The following WWOX variants were observed in gnomAD, a reference collection of about 807,000 sequenced individuals.
The protein encoded by WWOX is WW domain-containing oxidoreductase.
WWOX carries 69 observed loss-of-function variants against 46.2 expected under a neutral mutation model. That is an observed-to-expected ratio of 1.49 (90% confidence interval 1.23 to 1.82). The LOEUF is 1.82. Among genes scored for constraint, WWOX ranks in the 40% most tolerant of loss-of-function variants. The probability of loss-of-function intolerance (pLI) is 0.00; values close to 1 mark genes in which losing one functional copy is unlikely to be tolerated. For synonymous variants in WWOX, 359 were observed against 202.6 expected, an observed-to-expected ratio of 1.77 and a Z score of -6.56; for missense variants, 919 against 542.6, an observed-to-expected ratio of 1.69 and a Z score of -6.89.
intron 8 of WWOX, among the ~76,000 whole-genome samples, chr16:78,733,280 T>C (rs1324437576): frequency 6.6e-6 from 1 of 151,618 alleles, no homozygotes; most frequent in East Asian, 2.0e-4. Context: ...CATAGGGAGA[T>C]CACTGTTTCT....
intron 8 of WWOX, among the ~76,000 whole-genome samples, chr16:79,000,914 T>C (rs1377858290): frequency 6.6e-6 from 1 of 152,194 alleles, no homozygotes; most frequent in Non-Finnish European, 1.5e-5. Context: ...ATTTAATTAA[T>C]ACTCATCTGC....
intron 8 of WWOX, among the ~76,000 whole-genome samples, chr16:78,463,468 C>T (rs1240997569): frequency 6.6e-6 from 1 of 152,134 alleles, no homozygotes; most frequent in Non-Finnish European, 1.5e-5. Flanking sequence ...CAGCAGCTAT[C>T]CAGCATTGTC....
chr16:78,788,044 G>A (rs561571183), intron 8 of WWOX, among the ~76,000 whole-genome samples: 2 of 152,248 alleles, frequency 1.3e-5, no homozygotes, highest in South Asian at 2.1e-4. Context: ...TTGGATACTA[G>A]ACCCTTATCG....
chr16:78,339,380 AAC>A lies in WWOX; in HGVS notation c.517-47478_517-47477del, dbSNP rs1282128925. Among the ~76,000 whole-genome samples the A allele has an allele frequency of 8.6e-4, 69 of 79,944 alleles. 7 individuals are homozygous for A. Among genetic ancestry groups the A allele is most frequent in the African/African-American group, 1.6e-3 (27 of 16,700 alleles). The allele number at this position is 79,944 out of a possible 152,430, so 52.4% of individuals were successfully genotyped here. A position where few individuals can be genotyped will look rare whatever the true frequency, so the allele number is the denominator to read the frequency against. The stretch of plus-strand genomic sequence containing the variant: ...TCCTTTTATTAGAAAAAAAAAAAAA[AAC>A]AACTCCCCTGGAGCCTTTGTACCTT... On this transcript the variant is annotated intron_variant, in intron 5 of 8. Coordinates refer to ENST00000566780, the MANE Select transcript of WWOX (RefSeq NM_016373.4).
intron 8 of WWOX, among the ~76,000 whole-genome samples, chr16:78,873,887 C>G (rs546442775): frequency 6.6e-6 from 1 of 152,080 alleles, no homozygotes; most frequent in Non-Finnish European, 1.5e-5. Context: ...GAGGGGCAAT[C>G]ACAGGTCAGG....
chr16:78,735,023 T>A (rs1167480114), intron 8 of WWOX, among the ~76,000 whole-genome samples: 1 of 151,502 alleles, frequency 6.6e-6, no homozygotes, highest in African/African-American at 2.4e-5. Flanking sequence ...CCCACCATCA[T>A]GCCCAGCTAA....
rs543409375 is a variant in WWOX at position 78,113,491 on chromosome 16, GAT to G, written c.231-1484_231-1483del. On this transcript the variant is annotated intron_variant, in intron 3 of 8. Coordinates refer to ENST00000566780, the MANE Select transcript of WWOX (RefSeq NM_016373.4). ...ATTTACAGAAACAGGCAGTGGGCCA[GAT>G]TTGGCCAGCTCCTGGTCTAATCTAG... Among the ~76,000 whole-genome samples, 581 of 152,340 alleles carry G rather than the reference GAT, an allele frequency of 3.8e-3. 5 individuals are homozygous for G. The highest frequency in any genetic ancestry group is 0.014 in the African/African-American group (568 of 41,576).
chr16:78,582,571 T>C (rs115125302), intron 8 of WWOX, among the ~76,000 whole-genome samples: 1 of 152,198 alleles, frequency 6.6e-6, no homozygotes, highest in Non-Finnish European at 1.5e-5. Context: ...TGTTTCTAAT[T>C]ATATGTTGAT....
intron 6 of WWOX, among the ~76,000 whole-genome samples, chr16:78,413,542 G>T (rs761679500): frequency 3.3e-5 from 5 of 152,134 alleles, no homozygotes; most frequent in Non-Finnish European, 7.4e-5. Flanking sequence ...AAAGTACGTT[G>T]ATCAGTTAGG....
In WWOX at chr16:78,649,528, C is replaced by T. The variant is rs116056725; in HGVS notation, c.1056+216776C>T. Among the ~76,000 whole-genome samples, 1,010 of 152,280 alleles carry T rather than the reference C, an allele frequency of 6.6e-3. 4 individuals carry two copies. The highest frequency in any genetic ancestry group is 0.018 in the African/African-American group (748 of 41,552). On this transcript the variant is annotated intron_variant, in intron 8 of 8. Transcript: ENST00000566780. ...CTGGCCTCAAGCGATCCTCCTGCCT[C>T]GGCCTCCCAAAGTGCTGGGATTACA...
chr16:78,151,410 C>A (rs1007379478), intron 4 of WWOX, among the ~76,000 whole-genome samples: 3 of 152,074 alleles, frequency 2.0e-5, no homozygotes, highest in African/African-American at 7.2e-5. Context: ...AGTGGTTTTT[C>A]TCTTACATGA....
chr16:78,546,108 T>C (rs2151534893), intron 8 of WWOX, among the ~76,000 whole-genome samples: 1 of 152,324 alleles, frequency 6.6e-6, no homozygotes, highest in Non-Finnish European at 1.5e-5. Context: ...CAGTTTTTTA[T>C]GGAAGAAGAA....
rs752310148 is a variant in WWOX at position 79,055,124 on chromosome 16, C to G, written c.1057-156484C>G. Among the ~76,000 whole-genome samples, 8 of 152,098 alleles carry G rather than the reference C, an allele frequency of 5.3e-5. No individual in the cohort carries two copies. The South Asian group carries it at 8.3e-4, about 16-fold the overall frequency. Reference sequence around the variant, plus strand: ...ACTAAATAATCCATATGAGACAAAACAGGTAGAAGAAAAAAACATTCCTCC... The same window carrying G: ...ACTAAATAATCCATATGAGACAAAAGAGGTAGAAGAAAAAAACATTCCTCC... On this transcript the variant is annotated intron_variant, in intron 8 of 8. Coordinates refer to ENST00000566780, the MANE Select transcript of WWOX (RefSeq NM_016373.4).
In WWOX at chr16:78,406,335, TATATATATATATATATATA is replaced by T. The variant is rs1567553419; in HGVS notation, c.606-18534_606-18516del. 1.8e-4 allele frequency among the ~76,000 whole-genome samples: 19 copies of T among 102,992 alleles called. 2 individuals carry two copies. Among genetic ancestry groups the T allele is most frequent in the African/African-American group, 1.1e-3 (19 of 17,322 alleles). 67.6% of individuals were successfully genotyped at this position (102,992 alleles called of 152,430 possible). The stretch of plus-strand genomic sequence containing the variant: ...ATATATATATATATATATATATATA[TATATATATATATATATATA>T]TTTTATTATTTTTTTTTGAGACGGA... On this transcript the variant is annotated intron_variant, in intron 6 of 8. Transcript: ENST00000566780.
chr16:78,719,234 A>G (rs750973301), intron 8 of WWOX, among the ~76,000 whole-genome samples: 13 of 152,216 alleles, frequency 8.5e-5, no homozygotes, highest in Admixed American at 2.0e-4. Context: ...TTTAGCACAC[A>G]GCCTGGCATA....
intron 5 of WWOX, among the ~76,000 whole-genome samples, chr16:78,173,225 G>A (rs16947223): frequency 0.052 from 7,970 of 152,242 alleles, 341 homozygotes; most frequent in East Asian, 0.25. Context: ...ATACAGATCT[G>A]GGGTTAAATC....
At chr16:78,423,287 A>G (rs987864901) in intron 6 of WWOX, among the ~76,000 whole-genome samples, 6 of 152,160 alleles carry the variant, frequency 3.9e-5, no homozygotes, top group African/African-American at 1.2e-4. Flanking sequence ...ATTTTATTTT[A>G]TAACATAAAT....
intron 8 of WWOX, among the ~76,000 whole-genome samples, chr16:78,885,222 C>T (rs1401829376): frequency 2.1e-4 from 28 of 135,746 alleles, no homozygotes; most frequent in Non-Finnish European, 4.2e-4. Flanking sequence ...TAGGTCTTGT[C>T]ATTTGTAAAT....
intron 8 of WWOX, among the ~76,000 whole-genome samples, chr16:78,564,139 G>T (rs1055952189): frequency 2.0e-5 from 3 of 152,222 alleles, no homozygotes; most frequent in Non-Finnish European, 2.9e-5. Context: ...CTGCCCAGCT[G>T]AGCCCAGCCC....
Sources: gnomAD v4.1 joint callset for allele counts (sites outside exome capture counted in the v4.1 genomes callset) on GRCh38, gnomAD v4.1.1 for gene constraint, MANE v1.5 for transcripts, NCBI Gene and HGNC (gene_info 2026-07-23, HGNC 2026-07-21) for gene names.